DIS3: variants seen among roughly 807,000 people sequenced by gnomAD.
The protein encoded by DIS3 is DIS3 exosome endoribonuclease and 3'-5' exoribonuclease.
A neutral mutation model predicts 113.0 loss-of-function variants in DIS3; 103 were observed. The observed-to-expected ratio is 0.91, with a 90% CI of 0.78 to 1.07. The LOEUF (loss-of-function observed/expected upper bound fraction) is 1.07. DIS3 is among the 50% of genes least tolerant of loss of function. The probability of loss-of-function intolerance (pLI) is 0.00; values close to 1 mark genes in which losing one functional copy is unlikely to be tolerated. For missense variants in DIS3, 1,121 were observed against 1,167.1 expected (o/e 0.96, Z 0.58); for synonymous variants, 402 against 394.3 (o/e 1.02, Z -0.23).
chr13:72,775,071 C>A, intron 6 of DIS3, 140 bp downstream of exon 6: 3 of 906,286 alleles, frequency 3.3e-6, no homozygotes, highest in South Asian at 2.8e-5. Flanking sequence ...AGAAAAAAAC[C>A]ATGTGTATGA....
intron 16 of DIS3, among the ~76,000 whole-genome samples, chr13:72,763,229 T>G (rs997426371): frequency 1.3e-5 from 2 of 151,246 alleles, no homozygotes; most frequent in African/African-American, 4.9e-5. Flanking sequence ...TGAGACTGGG[T>G]GGGAGGTGGA....
At position 72,754,305 on chromosome 13, in the gene DIS3, CT is replaced by C. The variant is rs955339716; in HGVS notation, c.*5489del. ...ACATGCCCAGCCTTGTATGCCGTTT[CT>C]TTTTTTTCTTTTTTTTTTTTTTTGA... On this transcript the variant is annotated 3_prime_UTR_variant, in exon 21 of 21. Coordinates refer to ENST00000377767, the MANE Select transcript of DIS3 (RefSeq NM_014953.5). The C allele has an allele frequency of 4.0e-5, 6 of 151,102 alleles. No individual in the cohort carries two copies. Among genetic ancestry groups the C allele is most frequent in the East Asian group, 4.0e-4 (2 of 5,052 alleles). 9.4% of individuals were successfully genotyped at this position (151,102 alleles called of 1,614,324 possible). A position where few individuals can be genotyped will look rare whatever the true frequency, so the allele number is the denominator to read the frequency against.
At chr13:72,764,873 C>T (rs1040418600) in intron 15 of DIS3, among the ~76,000 whole-genome samples, 1 of 152,026 alleles carries the variant, frequency 6.6e-6, no homozygotes, top group African/African-American at 2.4e-5. Flanking sequence ...TAGTGTCAAC[C>T]TGTTGCTCAT....
In DIS3 at chr13:72,777,448, T is replaced by A. The variant is rs768861061; in HGVS notation, c.626A>T (p.Asp209Val). The A allele has an allele frequency of 2.2e-5, 35 of 1,613,978 alleles. No individual in the cohort carries two copies. The highest frequency in any genetic ancestry group is 8.5e-7 in the Non-Finnish European group (1 of 1,179,994). Residue 209 changes from aspartate to valine, a missense_variant, in exon 4 of 21, where the codon GAT (aspartate) becomes GTT (valine). Asp to Val is a radical substitution (Grantham distance 152). This residue lies in a region of DIS3 where 861 missense variants were observed against 915.5 expected (regional missense o/e 0.94). Transcript: ENST00000377767. The stretch of plus-strand genomic sequence containing the variant: ...TTCTTCAGACAAACAAGCAAGACGA[T>A]CTATGAGTTCGGGGTTAGCAGTTAG... ...KSLTANPELI[D>V]RLACLSEEGN...
chr13:72,762,831 T>TAA (rs546972823), intron 16 of DIS3, among the ~76,000 whole-genome samples: 3 of 139,556 alleles, frequency 2.1e-5, no homozygotes, highest in Non-Finnish European at 4.7e-5. Context: ...AGTAAATAAA[T>TAA]AAAAAAAAAA....
chr13:72,775,056 A>G (rs950194483), intron 6 of DIS3, among the ~76,000 whole-genome samples, 155 bp downstream of exon 6: 3 of 152,200 alleles, frequency 2.0e-5, no homozygotes, highest in Non-Finnish European at 4.4e-5. Flanking sequence ...AAAACTACAT[A>G]GAAGAGAAAA....
rs374015989 is a variant in DIS3, at chr13:72,759,775, A to G, written c.*20T>C. 3.2e-4 allele frequency: 519 copies of G among 1,599,068 alleles called. No individual in the cohort carries two copies. The highest frequency in any genetic ancestry group is 4.8e-4 in the Admixed American group (28 of 58,538). On this transcript the variant is annotated 3_prime_UTR_variant, in exon 21 of 21. Transcript: ENST00000377767. The stretch of plus-strand genomic sequence containing the variant: ...CTTTTAAAAAAGAAACCAGTCTTTG[A>G]AGATTTTTGTTGAATATAGCTATTT...
chr13:72,767,504 A>T (rs1020168078), intron 14 of DIS3, among the ~76,000 whole-genome samples: 4 of 152,164 alleles, frequency 2.6e-5, no homozygotes, highest in Non-Finnish European at 5.9e-5. Context: ...AGCATGCCCA[A>T]ATGATCCTTT....
chr13:72,761,291 T>C (rs2033616398), intron 19 of DIS3, 72 bp downstream of exon 19: 15 of 1,533,066 alleles, frequency 9.8e-6, no homozygotes, highest in South Asian at 2.5e-5. Flanking sequence ...TTATGCTTTA[T>C]AGGTACCATT....
intron 5 of DIS3, 122 bp downstream of exon 5, chr13:72,775,803 C>T (rs1593850162): frequency 2.4e-6 from 2 of 836,106 alleles, no homozygotes; most frequent in Non-Finnish European, 3.4e-6. Flanking sequence ...AAAAAAGTTA[C>T]TATTTGCTTT....
In DIS3 at chr13:72,763,499, A is replaced by C; in HGVS notation, c.2079T>G (p.Ala693=). 1 of 1,614,016 alleles carries C rather than the reference A, an allele frequency of 6.2e-7. No homozygotes were observed. The highest frequency in any genetic ancestry group is 8.5e-7 in the Non-Finnish European group (1 of 1,179,976). The change falls in exon 16 of 21, where the codon GCT becomes GCG. Residue 693 remains alanine, a synonymous_variant. Transcript: ENST00000377767. ...SEHALLRKHP[A]PPPSNYEILV... is the part of the protein sequence containing the mutation. ...GAATTTCATAATTTGATGGAGGTGG[A>C]GCAGGATGTTTTCGAAGCAGAGCAT...
rs1425584244 is a variant in DIS3, at chr13:72,771,818, T to A, written c.1582A>T (p.Thr528Ser). ...ACCTTTTCACAAAGATACACAGTTGTTCCTCTTCTGGCTGATTCTTGATCC... is the reference window on the plus strand; with the variant it reads ...ACCTTTTCACAAAGATACACAGTTGATCCTCTTCTGGCTGATTCTTGATCC... ...ALDQESARRG[T>S]TVYLCEKRID... is the part of the protein sequence containing the mutation. The change falls in exon 11 of 21, where the codon ACA (threonine) becomes TCA (serine). Residue 528 changes from threonine (T) to serine (S), a missense_variant. Thr to Ser is a moderately conservative substitution (Grantham distance 58). Coordinates refer to ENST00000377767, the MANE Select transcript of DIS3 (RefSeq NM_014953.5). The A allele has an allele frequency of 2.2e-5, 36 of 1,613,660 alleles. No individual in the cohort carries two copies. The highest frequency in any genetic ancestry group is 3.0e-5 in the Non-Finnish European group (35 of 1,179,880).
intron 6 of DIS3, among the ~76,000 whole-genome samples, 190 bp downstream of exon 6, chr13:72,775,021 T>C (rs1169160293): frequency 6.6e-6 from 1 of 152,166 alleles, no homozygotes; most frequent in Admixed American, 6.5e-5. Flanking sequence ...AACCCATTTA[T>C]TTGAGCAAAT....
chr13:72,772,317 G>T, intron 9 of DIS3, 42 bp from the exon 10 acceptor site: 1 of 1,422,018 alleles, frequency 7.0e-7, no homozygotes, highest in Non-Finnish European at 9.8e-7. Context: ...TATTTCCAAA[G>T]CACAACTACA....
In DIS3 at chr13:72,752,222, C is replaced by T. The variant is rs2033295179; in HGVS notation, c.*7573G>A. On this transcript the variant is annotated 3_prime_UTR_variant, in exon 21 of 21. Coordinates refer to ENST00000377767, the MANE Select transcript of DIS3 (RefSeq NM_014953.5). ...CTGTGGGATCTTAAGGCAAGATTTA[C>T]ATAGCAGTGAATAGAACATGACTTT... is the stretch of plus-strand genomic sequence containing the variant. 1 of 152,222 alleles carries T rather than the reference C, an allele frequency of 6.6e-6. No individual in the cohort carries two copies. The highest frequency in any genetic ancestry group is 1.5e-5 in the Non-Finnish European group (1 of 68,042). 9.4% of individuals were successfully genotyped at this position (152,222 alleles called of 1,614,324 possible).
chr13:72,774,528 T>G lies in DIS3; in HGVS notation c.988-469A>C, dbSNP rs532723859. ...AACCCAAATAAAGAGGGTCTGCTAT[T>G]AGAAATTACAAAAGTTCCTATGGTA... On this transcript the variant is annotated intron_variant, in intron 6 of 20. Transcript: ENST00000377767. Among the ~76,000 whole-genome samples, 3 of 152,264 alleles carry G rather than the reference T, an allele frequency of 2.0e-5. No homozygotes were observed. In the South Asian group the frequency reaches 6.2e-4, roughly 32 times the overall value.
chr13:72,763,398 C>A lies in DIS3; in HGVS notation c.2127+53G>T, dbSNP rs575570724. On this transcript the variant is annotated intron_variant, in intron 16 of 20. Coordinates refer to ENST00000377767, the MANE Select transcript of DIS3 (RefSeq NM_014953.5). ...AAATATGAATATAAATTATTTAGAA[C>A]AACAGGTAGATCAAAACACAAATAG... is the stretch of plus-strand genomic sequence containing the variant. 3.9e-5 allele frequency: 59 copies of A among 1,524,570 alleles called. No homozygotes were observed. In the African/African-American group the frequency reaches 7.7e-4, roughly 20 times the overall value. The allele number at this position is 1,524,570 out of a possible 1,614,324, so 94.4% of individuals were successfully genotyped here.
chr13:72,760,757 T>C lies in DIS3; in HGVS notation c.2671-106A>G, dbSNP rs73215082. The C allele has an allele frequency of 3.7e-3, 5,069 of 1,352,878 alleles. 28 individuals are homozygous for C. The highest frequency in any genetic ancestry group is 3.4e-3 in the Non-Finnish European group (3,420 of 1,012,226). The allele number at this position is 1,352,878 out of a possible 1,614,324, so 83.8% of individuals were successfully genotyped here. On this transcript the variant is annotated intron_variant, in intron 19 of 20. Coordinates refer to ENST00000377767, the MANE Select transcript of DIS3 (RefSeq NM_014953.5). ...ATAGTAGAAGTTTAAATATAAAAATTAGTAAGCATCTACGTGTTCAACATA... is the reference window on the plus strand; with the variant it reads ...ATAGTAGAAGTTTAAATATAAAAATCAGTAAGCATCTACGTGTTCAACATA...
chr13:72,778,450 A>T lies in DIS3; in HGVS notation c.387-70T>A. 1.5e-6 allele frequency: 2 copies of T among 1,299,898 alleles called. 1 individual carries two copies. Among genetic ancestry groups the T allele is most frequent in the South Asian group, 3.6e-5 (2 of 55,352 alleles). The allele number at this position is 1,299,898 out of a possible 1,614,324, so 80.5% of individuals were successfully genotyped here. On this transcript the variant is annotated intron_variant, in intron 2 of 20. Coordinates refer to ENST00000377767, the MANE Select transcript of DIS3 (RefSeq NM_014953.5). Reference sequence around the variant, plus strand: ...AAGGATATGTGAAAACTCTTAGCACATAAATGCTTAACCACTAAACTAGAA... The same window carrying T: ...AAGGATATGTGAAAACTCTTAGCACTTAAATGCTTAACCACTAAACTAGAA...
Sources: gnomAD v4.1 joint callset for allele counts (sites outside exome capture counted in the v4.1 genomes callset) on GRCh38, gnomAD v4.1.1 for gene constraint, gnomAD v4.1.1 regional missense constraint, MANE v1.5 for transcripts, NCBI Gene and HGNC (gene_info 2026-07-23, HGNC 2026-07-21) for gene names.